JAM2: variants seen among roughly 807,000 people sequenced by gnomAD.
JAM2 encodes the protein junctional adhesion molecule 2.
JAM2 carries 17 observed loss-of-function variants against 42.0 expected under a neutral mutation model. That is an observed-to-expected ratio of 0.40 (90% CI 0.28 to 0.61). The LOEUF (loss-of-function observed/expected upper bound fraction) is 0.61. JAM2 is among the 20% of genes least tolerant of loss of function. The pLI is 0.37. For synonymous variants in JAM2, 118 were observed against 128.6 expected, an observed-to-expected ratio of 0.92 and a Z score of 0.56; for missense variants, 319 against 358.3, an observed-to-expected ratio of 0.89 and a Z score of 0.89.
intron 5 of JAM2, among the ~76,000 whole-genome samples, chr21:25,699,819 TCAGG>T (rs1018225218): frequency 9.5e-5 from 14 of 147,450 alleles, no homozygotes; most frequent in African/African-American, 3.5e-4. Flanking sequence ...TGATGATGAA[TCAGG>T]CAGTTATCTA....
intron 1 of JAM2, among the ~76,000 whole-genome samples, chr21:25,663,455 T>G (rs1405983965): frequency 2.6e-5 from 4 of 152,212 alleles, no homozygotes; most frequent in Admixed American, 6.5e-5. Flanking sequence ...TCAAGACTCA[T>G]GTTGAAACAT....
chr21:25,691,966 G>A (rs868365218), intron 3 of JAM2, among the ~76,000 whole-genome samples: 33 of 150,874 alleles, frequency 2.2e-4, no homozygotes, highest in African/African-American at 7.1e-4. Context: ...CCAAGATCAC[G>A]CCACTGCACT....
intron 7 of JAM2, among the ~76,000 whole-genome samples, chr21:25,709,138 A>ATTATTG (rs2034332517): frequency 6.6e-6 from 1 of 151,628 alleles, no homozygotes; most frequent in African/African-American, 2.4e-5. Flanking sequence ...GACTTTTATT[A>ATTATTG]TTATTGTTAT....
chr21:25,702,095 G>T, intron 5 of JAM2, 75 bp from the exon 6 acceptor site: 1 of 685,064 alleles, frequency 1.5e-6, no homozygotes. Flanking sequence ...GCTAAAATTT[G>T]AGGGACAGGG....
At chr21:25,700,417 T>C (rs1017098055) in intron 5 of JAM2, among the ~76,000 whole-genome samples, 14 of 152,156 alleles carry the variant, frequency 9.2e-5, no homozygotes, top group East Asian at 1.9e-4. Flanking sequence ...CTGGAGTGCA[T>C]TGACGCAGTC....
chr21:25,672,187 C>A (rs755076168), intron 1 of JAM2, among the ~76,000 whole-genome samples: 3 of 151,778 alleles, frequency 2.0e-5, no homozygotes, highest in Non-Finnish European at 4.4e-5. Context: ...TGGGCTCAAG[C>A]AATACTCCCA....
intron 9 of JAM2, among the ~76,000 whole-genome samples, chr21:25,712,627 G>A (rs1235653934): frequency 6.6e-6 from 1 of 152,082 alleles, no homozygotes; most frequent in Admixed American, 6.6e-5. Flanking sequence ...TTTGTTTCAT[G>A]GTATTTTCTA....
intron 1 of JAM2, among the ~76,000 whole-genome samples, chr21:25,645,334 T>C (rs966101501): frequency 6.6e-6 from 1 of 152,252 alleles, no homozygotes; most frequent in Non-Finnish European, 1.5e-5. Flanking sequence ...GTGTTGGTGA[T>C]AATCCCAATA....
chr21:25,705,907 C>A, intron 6 of JAM2, 72 bp from the exon 7 acceptor site: 7 of 1,062,302 alleles, frequency 6.6e-6, no homozygotes, highest in Non-Finnish European at 8.8e-6. Context: ...TTTTTTGAAC[C>A]TTTTCAATTT....
At chr21:25,650,072 G>A (rs940102156) in intron 1 of JAM2, among the ~76,000 whole-genome samples, 1 of 152,170 alleles carries the variant, frequency 6.6e-6, no homozygotes, top group African/African-American at 2.4e-5. Flanking sequence ...ATGAGAATGG[G>A]ACTAATATCT....
At chr21:25,693,033 C>T (rs573317405) in intron 3 of JAM2, among the ~76,000 whole-genome samples, 1 of 152,116 alleles carries the variant, frequency 6.6e-6, no homozygotes, top group Non-Finnish European at 1.5e-5. Context: ...GACTATCTTA[C>T]AGCAGCAATT....
intron 1 of JAM2, among the ~76,000 whole-genome samples, chr21:25,660,759 C>CATAT (rs1311949044): frequency 0.043 from 2,281 of 53,412 alleles, 114 homozygotes; most frequent in Middle Eastern, 0.1. Context: ...TCACAATAAC[C>CATAT]ATATATATAT....
intron 2 of JAM2, 93 bp downstream of exon 2, chr21:25,684,041 C>G: frequency 1.3e-6 from 1 of 753,208 alleles, no homozygotes; most frequent in Non-Finnish European, 2.1e-6. Flanking sequence ...TTGGGATTCT[C>G]TGCCTTACCT....
At chr21:25,669,454 A>G (rs937415133) in intron 1 of JAM2, among the ~76,000 whole-genome samples, 1 of 152,088 alleles carries the variant, frequency 6.6e-6, no homozygotes, top group African/African-American at 2.4e-5. Flanking sequence ...TTCATAGAAC[A>G]TCCTCATACG....
chr21:25,654,887 T>C (rs1156648203), intron 1 of JAM2, among the ~76,000 whole-genome samples: 1 of 152,018 alleles, frequency 6.6e-6, no homozygotes, highest in Non-Finnish European at 1.5e-5. Context: ...GTCAGTGGCA[T>C]GAAAGGTAAA....
At chr21:25,674,003 C>T (rs2033423433) in intron 1 of JAM2, among the ~76,000 whole-genome samples, 1 of 152,192 alleles carries the variant, frequency 6.6e-6, no homozygotes, top group Admixed American at 6.5e-5. Flanking sequence ...CTCTTGACTG[C>T]CGCCATGTAA....
chr21:25,640,913 C>T (rs1036661531), intron 1 of JAM2, among the ~76,000 whole-genome samples: 1 of 151,896 alleles, frequency 6.6e-6, no homozygotes, highest in Non-Finnish European at 1.5e-5. Context: ...AATACTTAAC[C>T]TGCGGGACGA....
intron 2 of JAM2, among the ~76,000 whole-genome samples, chr21:25,689,648 TGATAACCAGG>T (rs2033832531): frequency 6.6e-6 from 1 of 152,158 alleles, no homozygotes; most frequent in African/African-American, 2.4e-5. Context: ...AACTCAAACT[TGATAACCAGG>T]GAAATAAGCA....
intron 3 of JAM2, among the ~76,000 whole-genome samples, chr21:25,691,918 G>A (rs151230483): frequency 0.018 from 2,795 of 151,966 alleles, 92 homozygotes; most frequent in African/African-American, 0.062. Context: ...AATCCCAGAT[G>A]CTTGGGAGGC....
Sources: allele counts gnomAD v4.1 joint callset (sites outside exome capture counted in the v4.1 genomes callset), GRCh38; gene constraint gnomAD v4.1.1; transcripts MANE v1.5; gene names NCBI Gene and HGNC (gene_info 2026-07-23, HGNC 2026-07-21).